The following MYO1E variants were observed in gnomAD, a reference collection of about 807,000 sequenced individuals.
MYO1E encodes unconventional myosin-Ie.
Under a neutral mutation model 151.1 loss-of-function variants are expected in MYO1E, and 68 were observed. The observed-to-expected ratio is 0.45, with a 90% CI of 0.37 to 0.55. The LOEUF is 0.55. MYO1E is among the 20% of genes least tolerant of loss of function. MYO1E has a pLI of 0.00. For synonymous variants in MYO1E, 601 were observed against 501.7 expected (o/e 1.20, Z -2.64); for missense variants, 1,363 against 1,389.3 (o/e 0.98, Z 0.30).
At chr15:59,219,406 G>C (rs1164197938) in intron 9 of MYO1E, among the ~76,000 whole-genome samples, 2 of 152,128 alleles carry the variant, frequency 1.3e-5, no homozygotes, top group African/African-American at 4.8e-5. Flanking sequence ...TCTGATAAAA[G>C]AATTTTGTTA....
chr15:59,319,533 A>G (rs534689435), intron 1 of MYO1E, among the ~76,000 whole-genome samples: 1 of 141,218 alleles, frequency 7.1e-6, no homozygotes, highest in South Asian at 2.4e-4. Context: ...CCAAGATAGG[A>G]AAAGAAGTCA....
intron 1 of MYO1E, among the ~76,000 whole-genome samples, chr15:59,359,280 CAT>C (rs34337748): frequency 0.78 from 109,518 of 140,094 alleles, 44,345 homozygotes; most frequent in Non-Finnish European, 0.89. Context: ...ATTTTACATA[CAT>C]ATATATATAT....
Position 59,305,415 on chromosome 15 carries a change from G to A in MYO1E, c.4-32966C>T, listed in dbSNP as rs562329404. 5.9e-5 allele frequency among the ~76,000 whole-genome samples: 9 copies of A among 152,056 alleles called. No individual in the cohort carries two copies. In the East Asian group the frequency reaches 9.7e-4, roughly 16 times the overall value. On this transcript the variant is annotated intron_variant, in intron 1 of 27. Transcript: ENST00000288235. Reference sequence around the variant, plus strand: ...TTGCCATGTTGCCCAGGCTGGTCTCGAACTCCTGAGCTCAAGTGATCCGCC... The same window carrying A: ...TTGCCATGTTGCCCAGGCTGGTCTCAAACTCCTGAGCTCAAGTGATCCGCC...
chr15:59,265,249 G>C (rs2080246539), intron 2 of MYO1E, among the ~76,000 whole-genome samples: 1 of 152,118 alleles, frequency 6.6e-6, no homozygotes, highest in African/African-American at 2.4e-5. Flanking sequence ...CTGCCGCCTT[G>C]TCCTAGACAA....
At chr15:59,165,512 T>G (rs571772635) in intron 22 of MYO1E, among the ~76,000 whole-genome samples, 1 of 152,320 alleles carries the variant, frequency 6.6e-6, no homozygotes, top group Non-Finnish European at 1.5e-5. Context: ...ACTCCTGTGA[T>G]AGTTGGGATC....
At chr15:59,333,170 C>A (rs1431663855) in intron 1 of MYO1E, among the ~76,000 whole-genome samples, 2 of 152,166 alleles carry the variant, frequency 1.3e-5, no homozygotes, top group Non-Finnish European at 2.9e-5. Flanking sequence ...ATCCTATATC[C>A]CAGTTCCACA....
chr15:59,260,904 C>G (rs563137246), intron 3 of MYO1E, among the ~76,000 whole-genome samples: 49 of 152,190 alleles, frequency 3.2e-4, no homozygotes, highest in Admixed American at 2.9e-3. Context: ...TTAGACAGTC[C>G]TAAGCTTTTT....
chr15:59,182,954 C>A (rs1475989521), intron 18 of MYO1E, among the ~76,000 whole-genome samples: 3 of 152,162 alleles, frequency 2.0e-5, no homozygotes, highest in Non-Finnish European at 2.9e-5. Context: ...TCAAAAGGAG[C>A]GCACAAGCTA....
intron 5 of MYO1E, 80 bp downstream of exon 5, chr15:59,236,505 A>G: frequency 7.8e-7 from 1 of 1,281,162 alleles, no homozygotes; most frequent in Non-Finnish European, 1.1e-6. Context: ...CTGTGGAAGA[A>G]AAATTCTTTT....
At chr15:59,263,991 C>G (rs1327537343) in intron 2 of MYO1E, among the ~76,000 whole-genome samples, 1 of 152,170 alleles carries the variant, frequency 6.6e-6, no homozygotes, top group Admixed American at 6.5e-5. Context: ...TAATTAAACA[C>G]ATATACATTT....
At chr15:59,324,865 C>G (rs1390885168) in intron 1 of MYO1E, among the ~76,000 whole-genome samples, 2 of 151,004 alleles carry the variant, frequency 1.3e-5, no homozygotes, top group Non-Finnish European at 2.9e-5. Context: ...TCCAGATAGT[C>G]TCAACTACAA....
At chr15:59,187,887 G>C (rs144631031) in intron 18 of MYO1E, among the ~76,000 whole-genome samples, 6 of 152,318 alleles carry the variant, frequency 3.9e-5, no homozygotes, top group Non-Finnish European at 7.3e-5. Flanking sequence ...GTAGATAAGT[G>C]ACTGACTGGG....
chr15:59,318,822 G>T (rs532959708), intron 1 of MYO1E, among the ~76,000 whole-genome samples: 2 of 152,312 alleles, frequency 1.3e-5, no homozygotes, highest in South Asian at 4.1e-4. Context: ...TGAGGAAAAT[G>T]AGAAAGTCAC....
chr15:59,351,013 C>T (rs554885481), intron 1 of MYO1E, among the ~76,000 whole-genome samples: 13 of 152,376 alleles, frequency 8.5e-5, no homozygotes, highest in South Asian at 2.1e-4. Context: ...TCTCCAGCCT[C>T]AGCCTCCAGA....
At position 59,372,655 on chromosome 15, in the gene MYO1E, AGGG is replaced by A; in HGVS notation, c.-158_-156del. 1.1e-6 allele frequency: 1 copy of A among 921,774 alleles called. No individual in the cohort carries two copies. The highest frequency in any genetic ancestry group is 1.6e-6 in the Non-Finnish European group (1 of 625,824). The allele number at this position is 921,774 out of a possible 1,614,324, so 57.1% of individuals were successfully genotyped here. ...CTCACAGGAGCCAATGGGAACCCAG[AGGG>A]GACTCCATCCAGGCGGGATTGGCGG... On this transcript the variant is annotated 5_prime_UTR_variant, in exon 1 of 28. Coordinates refer to ENST00000288235, the MANE Select transcript of MYO1E (RefSeq NM_004998.4).
At chr15:59,236,073 T>C (rs1409536360) in intron 5 of MYO1E, among the ~76,000 whole-genome samples, 1 of 152,026 alleles carries the variant, frequency 6.6e-6, no homozygotes, top group Non-Finnish European at 1.5e-5. Flanking sequence ...TACCTTAAAA[T>C]ATGCTATTCC....
At chr15:59,167,473 A>G (rs968730565) in intron 22 of MYO1E, among the ~76,000 whole-genome samples, 3 of 152,106 alleles carry the variant, frequency 2.0e-5, no homozygotes, top group East Asian at 1.9e-4. Flanking sequence ...AGTTTTTCAA[A>G]TAAGAGTGGG....
chr15:59,332,558 G>A (rs1300265004), intron 1 of MYO1E, among the ~76,000 whole-genome samples: 1 of 152,132 alleles, frequency 6.6e-6, no homozygotes, highest in Non-Finnish European at 1.5e-5. Flanking sequence ...GGTGTTTCTA[G>A]ATGTAGTGTC....
At chr15:59,142,576 T>TA (rs2079416784) in intron 26 of MYO1E, among the ~76,000 whole-genome samples, 1 of 152,168 alleles carries the variant, frequency 6.6e-6, no homozygotes, top group South Asian at 2.1e-4. Context: ...GCTCAGCTGT[T>TA]ATTAGTTCGC....
Sources: allele counts gnomAD v4.1 joint callset (sites outside exome capture counted in the v4.1 genomes callset), GRCh38; gene constraint gnomAD v4.1.1; transcripts MANE v1.5; gene names NCBI Gene and HGNC (gene_info 2026-07-23, HGNC 2026-07-21).